The following APBA2 variants were observed in gnomAD, a reference collection of about 807,000 sequenced individuals.
APBA2 encodes amyloid beta precursor protein binding family A member 2, also known as amyloid-beta A4 precursor protein-binding family A member 2.
A neutral mutation model predicts 75.0 loss-of-function variants in APBA2; 30 were observed. The observed-to-expected ratio is 0.40, with a 90% CI of 0.30 to 0.54. The LOEUF is 0.54. Ranked by LOEUF, APBA2 falls within the 20% of genes least tolerant of loss-of-function variation. The probability of loss-of-function intolerance (pLI) is 0.49; values close to 1 mark genes in which losing one functional copy is unlikely to be tolerated. For synonymous variants in APBA2, 444 were observed against 409.6 expected (o/e 1.08, Z -1.01); for missense variants, 801 against 1,016.1 (o/e 0.79, Z 2.88).
At chr15:28,913,826 G>C (rs1357494281) in intron 1 of APBA2, among the ~76,000 whole-genome samples, 4 of 152,212 alleles carry the variant, frequency 2.6e-5, no homozygotes, top group Non-Finnish European at 5.9e-5. Context: ...AGCCAGTTTG[G>C]TAGATTCTAT....
At chr15:29,035,400 A>G (rs1299470926) in intron 3 of APBA2, among the ~76,000 whole-genome samples, 3 of 145,768 alleles carry the variant, frequency 2.1e-5, no homozygotes, top group Non-Finnish European at 3.0e-5. Flanking sequence ...TGAATCGACT[A>G]CTATCTCAGG....
chr15:29,031,784 C>T (rs1295934986), intron 3 of APBA2, among the ~76,000 whole-genome samples: 2 of 152,186 alleles, frequency 1.3e-5, no homozygotes, highest in Admixed American at 1.3e-4. Flanking sequence ...TTACAATCCA[C>T]TTGCTAGCTA....
chr15:28,995,240 A>G lies in APBA2; in HGVS notation c.-94-513A>G, dbSNP rs1053968218. Among the ~76,000 whole-genome samples the G allele has an allele frequency of 2.6e-5, 4 of 152,180 alleles. No individual in the cohort carries two copies. In the East Asian group the frequency reaches 5.8e-4, roughly 22 times the overall value. On this transcript the variant is annotated intron_variant, in intron 2 of 14. Transcript: ENST00000683413. ...TGGTGGCCTCTTTCTCATTCTTTTC[A>G]TGAAACCATCTTGCCCAGGAGAAGG...
At chr15:29,007,673 A>T (rs2039191083) in intron 3 of APBA2, among the ~76,000 whole-genome samples, 1 of 152,198 alleles carries the variant, frequency 6.6e-6, no homozygotes, top group African/African-American at 2.4e-5. Flanking sequence ...AAATCACAAG[A>T]TACCACCTCA....
intron 4 of APBA2, among the ~76,000 whole-genome samples, chr15:29,060,406 A>G (rs1238146489): frequency 1.3e-5 from 2 of 152,202 alleles, no homozygotes; most frequent in African/African-American, 4.8e-5. Context: ...TGAACAGTGC[A>G]TAACACAGCC....
intron 2 of APBA2, among the ~76,000 whole-genome samples, chr15:28,931,241 C>T (rs549334605): frequency 2.0e-5 from 3 of 152,304 alleles, no homozygotes; most frequent in East Asian, 1.9e-4. Flanking sequence ...TCCTGGCCCT[C>T]AGGGCAGCAG....
At chr15:29,109,771 G>A (rs1239837577) in intron 13 of APBA2, among the ~76,000 whole-genome samples, 5 of 152,234 alleles carry the variant, frequency 3.3e-5, no homozygotes, top group Admixed American at 2.0e-4. Flanking sequence ...GTCACTGAAC[G>A]CTCACTGGAT....
At position 29,113,493 on chromosome 15, in the gene APBA2, C is replaced by T. The variant is rs1223183309; in HGVS notation, c.2038-383C>T. ...GACAGGCTGCCTCTCCTTTCCCGCC[C>T]GCCCATCAGCTAAGTGCCTGTCTTC... On this transcript the variant is annotated intron_variant, in intron 13 of 14. Transcript: ENST00000683413. Among the ~76,000 whole-genome samples, 8 of 152,264 alleles carry T rather than the reference C, an allele frequency of 5.3e-5. No homozygotes were observed. In the South Asian group the frequency reaches 1.0e-3, roughly 20 times the overall value.
intron 4 of APBA2, among the ~76,000 whole-genome samples, chr15:29,063,129 G>T (rs1317247353): frequency 1.7e-5 from 2 of 119,504 alleles, no homozygotes; most frequent in Admixed American, 7.9e-5. Context: ...GTATGGGTGG[G>T]GAGGGGAGTT....
At chr15:29,062,595 C>T (rs2042178307) in intron 4 of APBA2, among the ~76,000 whole-genome samples, 1 of 152,174 alleles carries the variant, frequency 6.6e-6, no homozygotes, top group Non-Finnish European at 1.5e-5. Context: ...AGCAGTTTAT[C>T]TATCAGGATC....
intron 3 of APBA2, among the ~76,000 whole-genome samples, chr15:29,005,238 T>C (rs2039052138): frequency 6.6e-6 from 1 of 152,170 alleles, no homozygotes; most frequent in Non-Finnish European, 1.5e-5. Context: ...GATTTCCTTA[T>C]CTGGACAATG....
chr15:29,056,616 C>CCTTCCTTCCT (rs1474791778), intron 4 of APBA2, among the ~76,000 whole-genome samples: 8 of 58,616 alleles, frequency 1.4e-4, no homozygotes, highest in Admixed American at 5.1e-4. Context: ...CTCCCTCCTT[C>CCTTCCTTCCT]TCTCCCTCCC....
At chr15:29,098,336 C>T (rs2043951642) in intron 8 of APBA2, among the ~76,000 whole-genome samples, 154 bp from the exon 9 acceptor site, 1 of 152,156 alleles carries the variant, frequency 6.6e-6, no homozygotes, top group Admixed American at 6.5e-5. Flanking sequence ...TTGACGAGAG[C>T]CATTCTGACA....
intron 2 of APBA2, among the ~76,000 whole-genome samples, chr15:28,942,042 A>G (rs2035263106): frequency 6.6e-6 from 1 of 152,246 alleles, no homozygotes; most frequent in South Asian, 2.1e-4. Flanking sequence ...TACAGGCGTG[A>G]GCCACTGCGC....
At chr15:29,105,344 C>A in intron 10 of APBA2, 35 bp from the exon 11 acceptor site, 1 of 1,599,770 alleles carries the variant, frequency 6.3e-7, no homozygotes, top group Non-Finnish European at 8.5e-7. Context: ...GCCTGTGCCA[C>A]GTGCCTGTCT....
intron 3 of APBA2, among the ~76,000 whole-genome samples, chr15:29,018,581 G>A (rs1290300222): frequency 2.6e-5 from 4 of 152,306 alleles, no homozygotes; most frequent in African/African-American, 9.6e-5. Context: ...ATCCAGGAGG[G>A]GCCACCTGGT....
chr15:28,896,550 A>G lies in APBA2; in HGVS notation c.-205+10272A>G, dbSNP rs1227983726. On this transcript the variant is annotated intron_variant, in intron 1 of 14. Coordinates refer to ENST00000683413, the MANE Select transcript of APBA2 (RefSeq NM_001353788.2). The stretch of plus-strand genomic sequence containing the variant: ...CACATCGGCCTCCCAAAGTGCTGGG[A>G]TTACAGGCATGAGCCACCGCGCCTG... Among the ~76,000 whole-genome samples the G allele has an allele frequency of 2.0e-5, 3 of 152,178 alleles. No individual in the cohort carries two copies. The East Asian group carries it at 5.8e-4, about 29-fold the overall frequency.
chr15:28,930,868 T>C (rs2034525793), intron 2 of APBA2, among the ~76,000 whole-genome samples: 1 of 152,188 alleles, frequency 6.6e-6, no homozygotes, highest in Non-Finnish European at 1.5e-5. Flanking sequence ...GCTCCTGGGC[T>C]GTTCCTTCAA....
intron 9 of APBA2, among the ~76,000 whole-genome samples, chr15:29,101,107 G>A (rs2044094955): frequency 6.7e-6 from 1 of 148,502 alleles, no homozygotes; most frequent in Non-Finnish European, 1.5e-5. Flanking sequence ...GGAGAGGCTT[G>A]GAATGCTCCT....
Sources: allele counts gnomAD v4.1 joint callset (sites outside exome capture counted in the v4.1 genomes callset), GRCh38; gene constraint gnomAD v4.1.1; transcripts MANE v1.5; gene names NCBI Gene and HGNC (gene_info 2026-07-23, HGNC 2026-07-21).